Variants in SHANK2 observed in about 807,000 individuals in gnomAD.
SHANK2 encodes SH3 and multiple ankyrin repeat domains protein 2.
A neutral mutation model predicts 133.7 loss-of-function variants in SHANK2; 43 were observed. The ratio of observed to expected loss-of-function variants is 0.32; its 90% confidence interval spans 0.25 to 0.41. The LOEUF is 0.41. Ranked by LOEUF, SHANK2 falls within the 10% of genes least tolerant of loss-of-function variation. The pLI is 1.00. For missense variants in SHANK2, 1,994 were observed against 2,235.8 expected, an observed-to-expected ratio of 0.89 and a Z score of 2.18; for synonymous variants, 1,017 against 952.8, an observed-to-expected ratio of 1.07 and a Z score of -1.24.
intron 17 of SHANK2, among the ~76,000 whole-genome samples, chr11:70,581,061 G>A (rs868937522): frequency 9.2e-5 from 14 of 152,198 alleles, no homozygotes; most frequent in African/African-American, 2.2e-4. Flanking sequence ...GAGGGGGGAT[G>A]CCAGATCTAG....
chr11:70,843,662 C>T (rs929794559), intron 11 of SHANK2, among the ~76,000 whole-genome samples: 2 of 151,834 alleles, frequency 1.3e-5, no homozygotes, highest in African/African-American at 2.4e-5. Context: ...CCCAGCCCTG[C>T]GACACCTTGA....
intron 17 of SHANK2, among the ~76,000 whole-genome samples, chr11:70,506,590 C>T (rs960685998): frequency 7.2e-5 from 11 of 152,190 alleles, no homozygotes; most frequent in African/African-American, 1.9e-4. Context: ...GAATCTGTCT[C>T]GCCCAGGTCT....
At chr11:70,695,848 C>T (rs1399737033) in intron 15 of SHANK2, among the ~76,000 whole-genome samples, 6 of 152,190 alleles carry the variant, frequency 3.9e-5, no homozygotes, top group Non-Finnish European at 5.9e-5. Context: ...ACCACAGGGT[C>T]ACATGAGGCC....
chr11:71,069,412 C>T (rs1951113000), intron 9 of SHANK2, among the ~76,000 whole-genome samples: 1 of 151,928 alleles, frequency 6.6e-6, no homozygotes, highest in Admixed American at 6.6e-5. Context: ...ATCAGCCTCA[C>T]CATCACCACC....
intron 8 of SHANK2, among the ~76,000 whole-genome samples, chr11:71,083,979 T>TGGG (rs1223657362): frequency 2.2e-4 from 32 of 147,806 alleles, no homozygotes; most frequent in African/African-American, 6.0e-4. Context: ...AACTTTTTTT[T>TGGG]GGGGGGGGGA....
At chr11:70,586,823 C>T (rs782377162) in intron 17 of SHANK2, among the ~76,000 whole-genome samples, 3 of 152,092 alleles carry the variant, frequency 2.0e-5, no homozygotes, top group East Asian at 1.9e-4. Context: ...CAGTACCTCA[C>T]CCCCCCAGAG....
chr11:70,899,316 C>A (rs1555076336), intron 10 of SHANK2, among the ~76,000 whole-genome samples: 1 of 152,188 alleles, frequency 6.6e-6, no homozygotes, highest in Non-Finnish European at 1.5e-5. Context: ...ATTTCCCCTG[C>A]TGACACTCAT....
rs997358584 is a variant in SHANK2 at position 71,086,562 on chromosome 11, T to C, written c.912+5860A>G. On this transcript the variant is annotated intron_variant, in intron 8 of 25. Coordinates refer to ENST00000601538, the MANE Select transcript of SHANK2 (RefSeq NM_012309.5). ...TAAATATATTATATATAATAATATA[T>C]ATATCATTAGACTTGGAGTTAAGCA... 2.1e-5 allele frequency among the ~76,000 whole-genome samples: 3 copies of C among 145,334 alleles called. No homozygotes were observed. The East Asian group carries it at 5.9e-4, about 29-fold the overall frequency.
At chr11:70,645,137 G>A (rs1156493955) in intron 17 of SHANK2, among the ~76,000 whole-genome samples, 1 of 152,138 alleles carries the variant, frequency 6.6e-6, no homozygotes, top group African/African-American at 2.4e-5. Context: ...CTTGAACCTG[G>A]GAGGCGGAGA....
At chr11:71,234,716 G>T (rs530204883) in intron 1 of SHANK2, among the ~76,000 whole-genome samples, 1 of 152,250 alleles carries the variant, frequency 6.6e-6, no homozygotes, top group East Asian at 1.9e-4. Context: ...CCGCATTCGA[G>T]CTAAGTCTGC....
chr11:70,698,847 C>T (rs1170668048), intron 14 of SHANK2, 84 bp from the exon 15 acceptor site: 4 of 715,174 alleles, frequency 5.6e-6, no homozygotes, highest in Non-Finnish European at 1.0e-5. Context: ...GCTGGTGGGC[C>T]CTCTCACCTA....
intron 10 of SHANK2, among the ~76,000 whole-genome samples, chr11:70,924,665 C>A (rs1356533057): frequency 6.6e-6 from 1 of 152,082 alleles, no homozygotes; most frequent in Admixed American, 6.5e-5. Context: ...CCATGTTGGC[C>A]AGGCTGGTCT....
intron 17 of SHANK2, among the ~76,000 whole-genome samples, chr11:70,524,042 A>G (rs1320221568): frequency 6.6e-6 from 1 of 152,196 alleles, no homozygotes; most frequent in Admixed American, 6.5e-5. Flanking sequence ...GCCAGTGTCA[A>G]CTGAGCACTG....
At chr11:70,925,573 T>C (rs1555081431) in intron 10 of SHANK2, among the ~76,000 whole-genome samples, 1 of 152,248 alleles carries the variant, frequency 6.6e-6, no homozygotes, top group Non-Finnish European at 1.5e-5. Flanking sequence ...TAGAGCTTCA[T>C]GCTTGTGTTA....
At position 70,500,447 on chromosome 11, in the gene SHANK2, C is replaced by A; in HGVS notation, c.2308+123G>T. ...GGCGGCAGGGCTCCTCGGGCAGGAC[C>A]CAGCAGGAGAAGCCAACAAGGCTTT... On this transcript the variant is annotated intron_variant, in intron 21 of 25. Transcript: ENST00000601538. The surrounding 1 kb of genome is among the most constrained non-coding windows in gnomAD (Gnocchi z 4.5). 1 of 1,372,932 alleles carries A rather than the reference C, an allele frequency of 7.3e-7. No homozygotes were observed. Among genetic ancestry groups the A allele is most frequent in the Non-Finnish European group, 1.0e-6 (1 of 986,930 alleles). The allele number at this position is 1,372,932 out of a possible 1,614,324, so 85.0% of individuals were successfully genotyped here. A position where few individuals can be genotyped will look rare whatever the true frequency, so the allele number is the denominator to read the frequency against.
chr11:70,631,067 TAGG>T (rs1555001987), intron 17 of SHANK2: 1 of 152,034 alleles, frequency 6.6e-6, no homozygotes, highest in Non-Finnish European at 1.5e-5. Flanking sequence ...GTGGCATTCA[TAGG>T]AGAAGCCACG....
chr11:71,064,163 C>T (rs1261241009), intron 9 of SHANK2, among the ~76,000 whole-genome samples: 2 of 152,222 alleles, frequency 1.3e-5, no homozygotes, highest in Non-Finnish European at 2.9e-5. Flanking sequence ...AGGTACTGTC[C>T]TAGTCCCTGG....
chr11:70,580,742 G>A (rs2060174113), intron 17 of SHANK2, among the ~76,000 whole-genome samples: 1 of 152,248 alleles, frequency 6.6e-6, no homozygotes, highest in Non-Finnish European at 1.5e-5. Flanking sequence ...CAGGGCTGGG[G>A]CAGGCGGGAA....
intron 2 of SHANK2, among the ~76,000 whole-genome samples, chr11:71,217,596 C>T (rs575124704): frequency 6.6e-6 from 1 of 152,164 alleles, no homozygotes; most frequent in African/African-American, 2.4e-5. Context: ...GCCAGCTCCA[C>T]GCATGTTACT....
Sources: allele counts gnomAD v4.1 joint callset (sites outside exome capture counted in the v4.1 genomes callset), GRCh38; gene constraint gnomAD v4.1.1; non-coding constraint Gnocchi (gnomAD v3.1); transcripts MANE v1.5; gene names NCBI Gene and HGNC (gene_info 2026-07-23, HGNC 2026-07-21).